Variants in SAMD3 observed in about 807,000 individuals in gnomAD.
SAMD3 encodes sterile alpha motif domain-containing protein 3.
A neutral mutation model predicts 58.5 loss-of-function variants in SAMD3; 63 were observed. The observed-to-expected ratio is 1.08, with a 90% CI of 0.88 to 1.33. SAMD3 has a LOEUF of 1.33. Among genes scored for constraint, SAMD3 ranks in the 40% most tolerant of loss-of-function variants. The pLI is 0.00. For synonymous variants in SAMD3, 220 were observed against 210.3 expected, an observed-to-expected ratio of 1.05 and a Z score of -0.40; for missense variants, 604 against 608.4, an observed-to-expected ratio of 0.99 and a Z score of 0.08.
intron 5 of SAMD3, among the ~76,000 whole-genome samples, chr6:130,205,663 T>G (rs1035354375): frequency 6.6e-6 from 1 of 152,094 alleles, no homozygotes; most frequent in Non-Finnish European, 1.5e-5. Context: ...AGCTAAATGT[T>G]GGGTTTACAA....
chr6:130,218,754 T>C (rs1037136576), intron 1 of SAMD3, among the ~76,000 whole-genome samples: 3 of 152,056 alleles, frequency 2.0e-5, no homozygotes, highest in Non-Finnish European at 4.4e-5. Context: ...GGACATAGTT[T>C]AGATAGCAAA....
chr6:130,323,362 G>T (rs188545406), intron 1 of SAMD3, among the ~76,000 whole-genome samples: 23 of 152,068 alleles, frequency 1.5e-4, no homozygotes, highest in Non-Finnish European at 2.4e-4. Flanking sequence ...CATCATTCAA[G>T]TATCTTAATT....
chr6:130,205,767 C>T (rs932733996), intron 5 of SAMD3, among the ~76,000 whole-genome samples: 35 of 152,180 alleles, frequency 2.3e-4, no homozygotes, highest in Non-Finnish European at 1.8e-4. Flanking sequence ...AGCTAGTTTA[C>T]AGTCAAGCAC....
intron 2 of SAMD3, among the ~76,000 whole-genome samples, chr6:130,300,944 A>G (rs1318502692): frequency 6.6e-6 from 1 of 152,012 alleles, no homozygotes; most frequent in African/African-American, 2.4e-5. Context: ...TACATTAGGT[A>G]TTTCACCTAA....
chr6:130,145,642 C>T (rs1416441057), intron 10 of SAMD3, among the ~76,000 whole-genome samples: 2 of 152,124 alleles, frequency 1.3e-5, no homozygotes, highest in Non-Finnish European at 2.9e-5. Flanking sequence ...GACAAGAGTT[C>T]TGTACTGTCT....
chr6:130,257,526 G>T (rs988963449), intron 2 of SAMD3, among the ~76,000 whole-genome samples: 6 of 151,992 alleles, frequency 3.9e-5, no homozygotes, highest in Admixed American at 3.9e-4. Flanking sequence ...ATAAGTCAGG[G>T]ACCTTTAATT....
At chr6:130,168,871 C>T (rs1790962568) in intron 8 of SAMD3, among the ~76,000 whole-genome samples, 1 of 152,170 alleles carries the variant, frequency 6.6e-6, no homozygotes, top group South Asian at 2.1e-4. Context: ...GGTGCATTCT[C>T]AGCTCACTGA....
At chr6:130,262,937 C>G (rs1338577071) in intron 2 of SAMD3, among the ~76,000 whole-genome samples, 1 of 152,086 alleles carries the variant, frequency 6.6e-6, no homozygotes, top group East Asian at 1.9e-4. Flanking sequence ...TTCCTTAAAA[C>G]ACAAACCTGC....
At chr6:130,360,386 GA>G (rs1274344093) in intron 1 of SAMD3, among the ~76,000 whole-genome samples, 1 of 152,198 alleles carries the variant, frequency 6.6e-6, no homozygotes, top group African/African-American at 2.4e-5. Flanking sequence ...GAGCACAAAA[GA>G]GAGAAATTTT....
intron 9 of SAMD3, among the ~76,000 whole-genome samples, chr6:130,149,677 CAAAG>C (rs1272621038): frequency 2.0e-5 from 3 of 152,118 alleles, no homozygotes; most frequent in African/African-American, 7.2e-5. Context: ...CACATGGACA[CAAAG>C]AAGGGAACAA....
chr6:130,304,803 C>G (rs1254538924), intron 2 of SAMD3, among the ~76,000 whole-genome samples: 1 of 151,680 alleles, frequency 6.6e-6, no homozygotes, highest in Non-Finnish European at 1.5e-5. Context: ...GCGTATCACT[C>G]TACTTATTTA....
rs138202059 is a variant in SAMD3 at position 130,252,933 on chromosome 6, A to G, written c.-187-30120T>C. Among the ~76,000 whole-genome samples the G allele has an allele frequency of 2.4e-3, 369 of 152,302 alleles. 1 individual carries two copies. Among genetic ancestry groups the G allele is most frequent in the African/African-American group, 8.6e-3 (356 of 41,570 alleles). Reference sequence around the variant, plus strand: ...TTAAGACGATGACATTGGTAAAATTATTTTAGTCATAATTTCCATACTTAC... The same window carrying G: ...TTAAGACGATGACATTGGTAAAATTGTTTTAGTCATAATTTCCATACTTAC... On this transcript the variant is annotated intron_variant, in intron 2 of 13. Transcript: ENST00000368134.
chr6:130,146,430 G>C, intron 9 of SAMD3, among the ~76,000 whole-genome samples: 1 of 152,012 alleles, frequency 6.6e-6, no homozygotes, highest in African/African-American at 2.4e-5. Context: ...CTAAAACTTT[G>C]GATGCAGACT....
At chr6:130,198,595 C>A (rs1794362993) in intron 5 of SAMD3, among the ~76,000 whole-genome samples, 2 of 152,156 alleles carry the variant, frequency 1.3e-5, no homozygotes, top group South Asian at 4.1e-4. Flanking sequence ...GACAAAGAAA[C>A]CACTCACTAG....
At chr6:130,272,240 C>G (rs1312077690) in intron 2 of SAMD3, among the ~76,000 whole-genome samples, 1 of 152,060 alleles carries the variant, frequency 6.6e-6, no homozygotes, top group Non-Finnish European at 1.5e-5. Flanking sequence ...ATTTAATAAT[C>G]CCTTTTTCTC....
chr6:130,163,364 A>T (rs1422795271), intron 8 of SAMD3, among the ~76,000 whole-genome samples: 1 of 152,204 alleles, frequency 6.6e-6, no homozygotes, highest in Non-Finnish European at 1.5e-5. Context: ...GTGTTTCCTC[A>T]TACCAAATCC....
At chr6:130,153,666 T>TA (rs58896049) in intron 9 of SAMD3, among the ~76,000 whole-genome samples, 4,939 of 90,872 alleles carry the variant, frequency 0.054, 276 homozygotes, top group African/African-American at 0.094. Context: ...ATATATATAT[T>TA]TATTTATTTA....
intron 2 of SAMD3, among the ~76,000 whole-genome samples, chr6:130,284,135 G>T (rs1775079177): frequency 6.6e-6 from 1 of 152,204 alleles, no homozygotes; most frequent in Non-Finnish European, 1.5e-5. Flanking sequence ...TTATAGGCGT[G>T]AGCCACCATG....
At chr6:130,337,065 C>G (rs114982633) in intron 1 of SAMD3, among the ~76,000 whole-genome samples, 2 of 152,314 alleles carry the variant, frequency 1.3e-5, no homozygotes, top group African/African-American at 4.8e-5. Context: ...CTGAGTACAG[C>G]TGGGTGCCTT....
Sources: gnomAD v4.1 joint callset for allele counts (sites outside exome capture counted in the v4.1 genomes callset) on GRCh38, gnomAD v4.1.1 for gene constraint, MANE v1.5 for transcripts, NCBI Gene and HGNC (gene_info 2026-07-23, HGNC 2026-07-21) for gene names.